MCM10: variants seen among roughly 807,000 people sequenced by gnomAD.
The protein encoded by MCM10 is protein MCM10 homolog.
MCM10 carries 91 observed loss-of-function variants against 109.9 expected under a neutral mutation model. The ratio of observed to expected loss-of-function variants is 0.83; its 90% CI spans 0.70 to 0.99. MCM10 has a LOEUF of 0.99. MCM10 is among the 50% of genes least tolerant of loss of function. MCM10 has a pLI of 0.00. For synonymous variants in MCM10, 380 were observed against 387.2 expected (o/e 0.98, Z 0.22); for missense variants, 1,077 against 1,061.2 (o/e 1.01, Z -0.21).
At chr10:13,169,368 A>G (rs184540873) in intron 2 of MCM10, among the ~76,000 whole-genome samples, 2 of 152,286 alleles carry the variant, frequency 1.3e-5, no homozygotes, top group East Asian at 3.9e-4. Flanking sequence ...GTGTGTCAGC[A>G]TCCTTGATTT....
chr10:13,183,209 A>C, intron 8 of MCM10, 109 bp downstream of exon 8: 1 of 1,291,278 alleles, frequency 7.7e-7, no homozygotes. Context: ...TAATCCTAAC[A>C]CTTTGGGGAG....
intron 11 of MCM10, among the ~76,000 whole-genome samples, chr10:13,192,043 A>G (rs1045598002): frequency 2.0e-5 from 3 of 152,338 alleles, no homozygotes; most frequent in African/African-American, 7.2e-5. Context: ...TAATATTCTA[A>G]TCATTACTAG....
chr10:13,184,221 G>A (rs1834246259), intron 8 of MCM10, among the ~76,000 whole-genome samples: 1 of 151,960 alleles, frequency 6.6e-6, no homozygotes, highest in African/African-American at 2.4e-5. Context: ...TCGAACCCCT[G>A]GGCTCAAGTG....
chr10:13,204,542 T>G, intron 18 of MCM10, 178 bp downstream of exon 18: 1 of 690,480 alleles, frequency 1.4e-6, no homozygotes, highest in South Asian at 2.0e-5. Context: ...GACCCTGCCC[T>G]TTCACTGCTG....
intron 18 of MCM10, among the ~76,000 whole-genome samples, chr10:13,207,554 A>G (rs1013749416): frequency 5.3e-5 from 8 of 152,184 alleles, no homozygotes; most frequent in Non-Finnish European, 1.2e-4. Context: ...GGTAGCTCCC[A>G]TAATTCCCAC....
In MCM10 at chr10:13,209,649, T is replaced by C; in HGVS notation, c.*339T>C. Reference sequence around the variant, plus strand: ...TGGTTATAGAGTGTTCACTTCTTTATCATAACAAAATTCTAGTGTTTATAC... The same window carrying C: ...TGGTTATAGAGTGTTCACTTCTTTACCATAACAAAATTCTAGTGTTTATAC... On this transcript the variant is annotated 3_prime_UTR_variant, in exon 20 of 20. Transcript: ENST00000378714. 1 of 254,158 alleles carries C rather than the reference T, an allele frequency of 3.9e-6. No homozygotes were observed. Among genetic ancestry groups the C allele is most frequent in the Non-Finnish European group, 7.5e-6 (1 of 133,200 alleles). The allele number at this position is 254,158 out of a possible 1,614,324, so 15.7% of individuals were successfully genotyped here.
intron 18 of MCM10, among the ~76,000 whole-genome samples, chr10:13,206,767 A>G (rs1834586855): frequency 6.6e-6 from 1 of 150,376 alleles, no homozygotes; most frequent in Non-Finnish European, 1.5e-5. Flanking sequence ...GATTGTAAGA[A>G]CCATGTTTTT....
At chr10:13,201,033 T>C (rs1834491426) in intron 16 of MCM10, among the ~76,000 whole-genome samples, 1 of 152,162 alleles carries the variant, frequency 6.6e-6, no homozygotes, top group South Asian at 2.1e-4. Context: ...TAGTCCCTAC[T>C]ACTCAGGAGG....
chr10:13,165,596 T>C (rs1207541592), intron 2 of MCM10, among the ~76,000 whole-genome samples: 1 of 152,098 alleles, frequency 6.6e-6, no homozygotes, highest in African/African-American at 2.4e-5. Flanking sequence ...ATGTTTAGGC[T>C]GGGTGCGGTG....
At chr10:13,198,633 G>A (rs200993762) in intron 15 of MCM10, 56 bp from the exon 16 acceptor site, 96 of 1,122,748 alleles carry the variant, frequency 8.6e-5, no homozygotes, top group Middle Eastern at 2.0e-4. Context: ...TTGATGAGGC[G>A]CACTGGCTTT....
chr10:13,208,061 GGGTGGAA>G (rs1834608334), intron 18 of MCM10, among the ~76,000 whole-genome samples: 1 of 152,134 alleles, frequency 6.6e-6, no homozygotes, highest in African/African-American at 2.4e-5. Context: ...TCCCTTCTCA[GGGTGGAA>G]GTCACCCACC....
chr10:13,203,956 TACACAATAACAGAAA>T (rs1173717178), intron 17 of MCM10, among the ~76,000 whole-genome samples: 1 of 152,212 alleles, frequency 6.6e-6, no homozygotes, highest in Non-Finnish European at 1.5e-5. Context: ...TGGAACGTGT[TACACAATAACAGAAA>T]GTTATTGTGT....
chr10:13,165,041 A>T (rs1197911615), intron 2 of MCM10, among the ~76,000 whole-genome samples: 1 of 152,328 alleles, frequency 6.6e-6, no homozygotes, highest in East Asian at 1.9e-4. Flanking sequence ...TCACACTGTG[A>T]TGCACAGTGG....
chr10:13,169,714 GT>G (rs1357736503), intron 2 of MCM10, among the ~76,000 whole-genome samples: 5 of 152,134 alleles, frequency 3.3e-5, no homozygotes, highest in Non-Finnish European at 7.4e-5. Flanking sequence ...GGGGTTTTTT[GT>G]TTGTTTTTGA....
In MCM10 at chr10:13,192,614, A is replaced by G. The variant is rs1263802215; in HGVS notation, c.1745+46A>G. ...ATTCCCCGCTTGGGTCATCCATCTCAGGCGTCCTCAGAACGTCTTCATCGA... is the reference window on the plus strand; with the variant it reads ...ATTCCCCGCTTGGGTCATCCATCTCGGGCGTCCTCAGAACGTCTTCATCGA... On this transcript the variant is annotated intron_variant, in intron 13 of 19. Coordinates refer to ENST00000378714, the MANE Select transcript of MCM10 (RefSeq NM_018518.5). 2.6e-6 allele frequency: 4 copies of G among 1,544,030 alleles called. No homozygotes were observed. The East Asian group carries it at 9.0e-5, about 35-fold the overall frequency.
chr10:13,188,537 TTATATTAAATAACATAGGTCC>T (rs71922294), intron 9 of MCM10, among the ~76,000 whole-genome samples: 23,256 of 152,046 alleles, frequency 0.15, 2,085 homozygotes, highest in South Asian at 0.21. Context: ...AAACTTCCTT[TTATATTAAATAACATAGGTCC>T]TATATTAAAT....
intron 15 of MCM10, 81 bp downstream of exon 15, chr10:13,197,848 G>A: frequency 7.1e-7 from 1 of 1,409,164 alleles, no homozygotes; most frequent in East Asian, 2.3e-5. Flanking sequence ...CCAGCACCCA[G>A]ATATCAAGCA....
At chr10:13,208,387 TA>T (rs934613639) in intron 18 of MCM10, among the ~76,000 whole-genome samples, 2 of 149,248 alleles carry the variant, frequency 1.3e-5, no homozygotes, top group African/African-American at 2.5e-5. Context: ...ACCCTGTCTC[TA>T]AAAAAAAATA....
chr10:13,178,822 A>G (rs1834173650), intron 6 of MCM10, among the ~76,000 whole-genome samples: 1 of 152,146 alleles, frequency 6.6e-6, no homozygotes, highest in African/African-American at 2.4e-5. Context: ...AACAACATTG[A>G]TTCTTTAAAT....
Sources: allele counts gnomAD v4.1 joint callset (sites outside exome capture counted in the v4.1 genomes callset), GRCh38; gene constraint gnomAD v4.1.1; transcripts MANE v1.5; gene names NCBI Gene and HGNC (gene_info 2026-07-23, HGNC 2026-07-21).